Variants in KIAA1328 observed in about 807,000 individuals in gnomAD.
The protein encoded by KIAA1328 is KIAA1328.
KIAA1328 carries 52 observed loss-of-function variants against 68.1 expected under a neutral mutation model. That is an observed-to-expected ratio of 0.76 (90% confidence interval 0.61 to 0.96). KIAA1328 has a LOEUF of 0.96. Among genes scored for constraint, KIAA1328 ranks in the 40% least tolerant of loss-of-function variants. KIAA1328 has a pLI of 0.00. For synonymous variants in KIAA1328, 232 were observed against 239.4 expected, an observed-to-expected ratio of 0.97 and a Z score of 0.28; for missense variants, 641 against 677.6, an observed-to-expected ratio of 0.95 and a Z score of 0.60.
At chr18:36,847,111 T>G (rs183287316) in intron 4 of KIAA1328, among the ~76,000 whole-genome samples, 9 of 151,682 alleles carry the variant, frequency 5.9e-5, no homozygotes, top group Non-Finnish European at 1.3e-4. Context: ...TACTCATTTT[T>G]TATTGTTGAA....
At chr18:37,184,899 C>G (rs1009342431) in intron 9 of KIAA1328, among the ~76,000 whole-genome samples, 1 of 152,072 alleles carries the variant, frequency 6.6e-6, no homozygotes, top group African/African-American at 2.4e-5. Context: ...CGTGGTGGCT[C>G]ATGCCTGTAA....
At position 37,225,022 on chromosome 18, in the gene KIAA1328, G is replaced by A; in HGVS notation, c.*2795G>A. On this transcript the variant is annotated 3_prime_UTR_variant, in exon 10 of 10. Coordinates refer to ENST00000280020, the MANE Select transcript of KIAA1328 (RefSeq NM_020776.3). ...TTTATCCAAACCTGATCCCCATGAT[G>A]GGGACTTTTCTAGAGCACCCCAAAT... 1 of 985,430 alleles carries A rather than the reference G, an allele frequency of 1.0e-6. No individual in the cohort carries two copies. The highest frequency in any genetic ancestry group is 1.2e-6 in the Non-Finnish European group (1 of 829,942). The allele number at this position is 985,430 out of a possible 1,614,324, so 61.0% of individuals were successfully genotyped here.
At chr18:37,121,417 TCTATC>T (rs1201390576) in intron 7 of KIAA1328, among the ~76,000 whole-genome samples, 1 of 32,046 alleles carries the variant, frequency 3.1e-5, no homozygotes, top group Non-Finnish European at 6.2e-5. Context: ...TTTTAGGACT[TCTATC>T]TATCTATCTA....
At chr18:37,147,242 C>A (rs1444420104) in intron 7 of KIAA1328, among the ~76,000 whole-genome samples, 2 of 152,162 alleles carry the variant, frequency 1.3e-5, no homozygotes, top group Non-Finnish European at 2.9e-5. Flanking sequence ...ACAAAACAGA[C>A]AAAGACAGTG....
chr18:37,211,178 C>G (rs908854039), intron 9 of KIAA1328, among the ~76,000 whole-genome samples: 9 of 152,180 alleles, frequency 5.9e-5, no homozygotes, highest in Non-Finnish European at 1.3e-4. Flanking sequence ...GCTTTAGTGT[C>G]ACCTCTTACT....
chr18:37,220,126 T>C (rs1185940936), intron 9 of KIAA1328, among the ~76,000 whole-genome samples: 1 of 152,242 alleles, frequency 6.6e-6, no homozygotes, highest in Non-Finnish European at 1.5e-5. Flanking sequence ...TAGAGGTGAT[T>C]ATTCTTGGGG....
At chr18:36,999,473 C>T (rs1782156341) in intron 6 of KIAA1328, among the ~76,000 whole-genome samples, 1 of 152,178 alleles carries the variant, frequency 6.6e-6, no homozygotes, top group Non-Finnish European at 1.5e-5. Context: ...ACATTAAAGT[C>T]AGACTGTCTG....
At chr18:37,193,974 T>G (rs939615561) in intron 9 of KIAA1328, among the ~76,000 whole-genome samples, 5 of 152,192 alleles carry the variant, frequency 3.3e-5, no homozygotes, top group Non-Finnish European at 5.9e-5. Flanking sequence ...TGCCGCACAG[T>G]GTTCCATTAT....
chr18:36,831,433 G>T (rs2046489039), intron 1 of KIAA1328, among the ~76,000 whole-genome samples: 1 of 152,148 alleles, frequency 6.6e-6, no homozygotes, highest in Non-Finnish European at 1.5e-5. Context: ...GTCATGTTAT[G>T]GGTTAAATCT....
At chr18:36,917,000 TA>T in intron 5 of KIAA1328, among the ~76,000 whole-genome samples, 1 of 151,868 alleles carries the variant, frequency 6.6e-6, no homozygotes, top group African/African-American at 2.4e-5. Context: ...TTCCCTAGGT[TA>T]AAAAAGCAAA....
At chr18:37,178,694 C>T (rs754247004) in intron 9 of KIAA1328, among the ~76,000 whole-genome samples, 1 of 152,200 alleles carries the variant, frequency 6.6e-6, no homozygotes, top group East Asian at 1.9e-4. Context: ...ATTTACATTC[C>T]GACCCAATAG....
chr18:36,920,229 T>A (rs1231119630), intron 5 of KIAA1328, among the ~76,000 whole-genome samples: 1 of 152,160 alleles, frequency 6.6e-6, no homozygotes, highest in Non-Finnish European at 1.5e-5. Context: ...TTTTTGTATA[T>A]GGTAGAAGGC....
At chr18:37,123,650 A>T (rs770790998) in intron 7 of KIAA1328, among the ~76,000 whole-genome samples, 2 of 152,118 alleles carry the variant, frequency 1.3e-5, no homozygotes, top group Admixed American at 1.3e-4. Context: ...AAAATAGAGT[A>T]TGTGATTTGG....
chr18:36,972,708 C>T (rs1479785752), intron 6 of KIAA1328, among the ~76,000 whole-genome samples: 3 of 152,104 alleles, frequency 2.0e-5, no homozygotes, highest in Admixed American at 1.3e-4. Flanking sequence ...TAGGGTGTCC[C>T]CTATATCCAG....
intron 6 of KIAA1328, among the ~76,000 whole-genome samples, chr18:36,968,349 A>G (rs1040228946): frequency 1.3e-5 from 2 of 152,146 alleles, no homozygotes; most frequent in Non-Finnish European, 2.9e-5. Flanking sequence ...GCAAGACCCA[A>G]TGGTATGTTG....
intron 6 of KIAA1328, among the ~76,000 whole-genome samples, chr18:37,022,514 T>C (rs2054386724): frequency 6.6e-6 from 1 of 152,180 alleles, no homozygotes; most frequent in African/African-American, 2.4e-5. Context: ...TGTTAACTGG[T>C]GTGACAGCAA....
At chr18:36,986,449 A>G (rs2052929637) in intron 6 of KIAA1328, among the ~76,000 whole-genome samples, 1 of 142,664 alleles carries the variant, frequency 7.0e-6, no homozygotes, top group Non-Finnish European at 1.5e-5. Context: ...CCAAAACACC[A>G]AAAGCAATGG....
chr18:36,893,439 GTGTGTGTGTGTGTGTGTGTGTGTTTT>G (rs993574301), intron 5 of KIAA1328, among the ~76,000 whole-genome samples: 11 of 135,730 alleles, frequency 8.1e-5, no homozygotes, highest in Middle Eastern at 3.6e-3. Flanking sequence ...GGCTATTTGT[GTGTGTGTGTGTGTGTGTGTGTGTTTT>G]TGTGTGTGTG....
At chr18:37,037,802 T>C (rs2055085420) in intron 6 of KIAA1328, among the ~76,000 whole-genome samples, 1 of 151,776 alleles carries the variant, frequency 6.6e-6, no homozygotes, top group Admixed American at 6.6e-5. Flanking sequence ...ATACATATGG[T>C]TGAGAAAAGG....
Sources: gnomAD v4.1 joint callset for allele counts (sites outside exome capture counted in the v4.1 genomes callset) on GRCh38, gnomAD v4.1.1 for gene constraint, MANE v1.5 for transcripts, NCBI Gene and HGNC (gene_info 2026-07-23, HGNC 2026-07-21) for gene names.